SRBD1: variants seen among roughly 807,000 people sequenced by gnomAD.
The protein encoded by SRBD1 is S1 RNA-binding domain-containing protein 1.
In SRBD1, 88 loss-of-function variants were observed where a neutral mutation model predicts 115.3. The ratio of observed to expected loss-of-function variants is 0.76; its 90% CI spans 0.64 to 0.91. The LOEUF (loss-of-function observed/expected upper bound fraction) is 0.91, where lower values mean the gene tolerates loss of function less well. SRBD1 is among the 40% of genes least tolerant of loss of function. SRBD1 has a pLI of 0.00. For missense variants in SRBD1, 1,385 were observed against 1,177.4 expected (o/e 1.18, Z -2.58); for synonymous variants, 509 against 407.7 (o/e 1.25, Z -2.99).
At chr2:45,415,665 A>AC (rs1667799861) in intron 18 of SRBD1, among the ~76,000 whole-genome samples, 1 of 36,106 alleles carries the variant, frequency 2.8e-5, no homozygotes, top group African/African-American at 8.5e-5. Context: ...AGGGGAGGGG[A>AC]GGGGAGGGGA....
At chr2:45,438,298 A>G (rs1668561845) in intron 16 of SRBD1, among the ~76,000 whole-genome samples, 1 of 152,242 alleles carries the variant, frequency 6.6e-6, no homozygotes, top group Non-Finnish European at 1.5e-5. Context: ...CAAAATTTGT[A>G]TTTTCAACAA....
chr2:45,550,409 C>G (rs1231997893), intron 12 of SRBD1, among the ~76,000 whole-genome samples: 1 of 149,836 alleles, frequency 6.7e-6, no homozygotes, highest in Admixed American at 6.7e-5. Context: ...TCTTAGCAGC[C>G]AGAGGAAAAG....
chr2:45,447,435 A>T (rs923588397), intron 16 of SRBD1: 1 of 132,438 alleles, frequency 7.6e-6, no homozygotes, highest in Non-Finnish European at 1.6e-5. Flanking sequence ...CGACAGAGCG[A>T]GGCTCTATCT....
chr2:45,599,044 T>G (rs1030683789), intron 4 of SRBD1, among the ~76,000 whole-genome samples: 1 of 152,220 alleles, frequency 6.6e-6, no homozygotes, highest in African/African-American at 2.4e-5. Context: ...TGTAGTACAT[T>G]ACAACATTAT....
At chr2:45,511,707 C>T (rs1168471610) in intron 14 of SRBD1, among the ~76,000 whole-genome samples, 1 of 152,178 alleles carries the variant, frequency 6.6e-6, no homozygotes, top group Non-Finnish European at 1.5e-5. Flanking sequence ...ATTCCTTCTG[C>T]ACTTTTCATA....
At chr2:45,480,698 C>G (rs1007139338) in intron 15 of SRBD1, among the ~76,000 whole-genome samples, 4 of 152,160 alleles carry the variant, frequency 2.6e-5, no homozygotes, top group Non-Finnish European at 5.9e-5. Context: ...ATTACATAAA[C>G]TTCATTGATA....
At chr2:45,602,940 C>T (rs1674145706) in intron 2 of SRBD1, among the ~76,000 whole-genome samples, 2 of 152,138 alleles carry the variant, frequency 1.3e-5, no homozygotes, top group South Asian at 2.1e-4. Flanking sequence ...GGTCAAACTA[C>T]TGGTGTTCTC....
intron 14 of SRBD1, among the ~76,000 whole-genome samples, chr2:45,490,980 T>C (rs1670274505): frequency 6.6e-6 from 1 of 152,126 alleles, no homozygotes; most frequent in African/African-American, 2.4e-5. Context: ...ATAACCTAAA[T>C]GCACAGAAAA....
intron 16 of SRBD1, among the ~76,000 whole-genome samples, chr2:45,445,283 A>C (rs1668786870): frequency 6.6e-6 from 1 of 152,122 alleles, no homozygotes; most frequent in African/African-American, 2.4e-5. Flanking sequence ...ATTGATGCAG[A>C]TCTGTCACTT....
At chr2:45,404,086 A>C (rs1171674667) in intron 19 of SRBD1, among the ~76,000 whole-genome samples, 1 of 152,184 alleles carries the variant, frequency 6.6e-6, no homozygotes, top group East Asian at 1.9e-4. Context: ...AAATGCCCTT[A>C]GTGAAGCATA....
Position 45,599,749 on chromosome 2 carries a change from T to C in SRBD1, c.348A>G (p.Thr116=), listed in dbSNP as rs1204258095. 3 of 1,614,108 alleles carry C rather than the reference T, an allele frequency of 1.9e-6. No individual in the cohort carries two copies. Among genetic ancestry groups the C allele is most frequent in the South Asian group, 1.1e-5 (1 of 91,094 alleles). ...GTGGCTGCGCTGCACATTTCTGTTT[T>C]GTCTTGGCTGTTTTCAGAGTCTGTA... is the stretch of plus-strand genomic sequence containing the variant. The part of the protein sequence containing the change: ...DTVQTLKTAK[T]KQKCAAQPHT... Residue 116 remains threonine, a synonymous_variant, in exon 4 of 21, where the codon ACA becomes ACG. Coordinates refer to ENST00000263736, the MANE Select transcript of SRBD1 (RefSeq NM_018079.5).
chr2:45,405,340 T>C lies in SRBD1; in HGVS notation c.2513+7774A>G, dbSNP rs11677085. On this transcript the variant is annotated intron_variant, in intron 19 of 20. Coordinates refer to ENST00000263736, the MANE Select transcript of SRBD1 (RefSeq NM_018079.5). ...GAGCCTTTTTTGTTTGTCTTGTTTT[T>C]GTGTGGGGCTAGTGAGGACTGATGA... is the stretch of plus-strand genomic sequence containing the variant. 4.2e-3 allele frequency among the ~76,000 whole-genome samples: 639 copies of C among 152,280 alleles called. 2 individuals carry two copies. The highest frequency in any genetic ancestry group is 6.1e-3 in the Non-Finnish European group (415 of 68,028).
At chr2:45,595,021 C>T (rs879711879) in intron 4 of SRBD1, among the ~76,000 whole-genome samples, 3 of 152,192 alleles carry the variant, frequency 2.0e-5, no homozygotes, top group African/African-American at 7.2e-5. Context: ...TTTCATTAGT[C>T]CTATCTATAA....
intron 4 of SRBD1, among the ~76,000 whole-genome samples, chr2:45,594,116 A>G (rs116715984): frequency 7.3e-4 from 111 of 152,358 alleles, no homozygotes; most frequent in African/African-American, 2.6e-3. Context: ...CTGGACAAAT[A>G]GGTTAAACCT....
At chr2:45,442,651 C>G (rs1201840196) in intron 16 of SRBD1, among the ~76,000 whole-genome samples, 2 of 152,208 alleles carry the variant, frequency 1.3e-5, no homozygotes, top group African/African-American at 2.4e-5. Context: ...AAGATCAGGA[C>G]TCAGATAATT....
rs181220612 is a variant in SRBD1 at position 45,609,099 on chromosome 2, G to A, written c.-1+2120C>T. ...TGGGATTACAAGTGTGAGCCATGGC[G>A]CCTGGCCAGAAAATTCTTTAACAGC... On this transcript the variant is annotated intron_variant, in intron 1 of 20. Transcript: ENST00000263736. Among the ~76,000 whole-genome samples, 43 of 152,182 alleles carry A rather than the reference G, an allele frequency of 2.8e-4. 1 individual carries two copies. The highest frequency in any genetic ancestry group is 1.5e-3 in the South Asian group (7 of 4,818).
chr2:45,545,216 C>A (rs1483063485), intron 14 of SRBD1, among the ~76,000 whole-genome samples: 1 of 139,318 alleles, frequency 7.2e-6, no homozygotes, highest in Non-Finnish European at 1.5e-5. Context: ...GGACACAGAG[C>A]TTGCAGTGAG....
chr2:45,562,589 T>C (rs533972909), intron 10 of SRBD1, 64 bp downstream of exon 10: 17 of 1,278,290 alleles, frequency 1.3e-5, no homozygotes, highest in Admixed American at 4.5e-5. Context: ...TCAGTACATA[T>C]AGATATCGGT....
chr2:45,496,864 C>G lies in SRBD1; in HGVS notation c.1875-8533G>C, dbSNP rs116891062. 1.0e-3 allele frequency among the ~76,000 whole-genome samples: 154 copies of G among 152,280 alleles called. 3 individuals are homozygous for G. The East Asian group carries it at 0.023, about 22-fold the overall frequency. The stretch of plus-strand genomic sequence containing the variant: ...CCAGTTTGGATCTTGAAGATCTATT[C>G]TGGAGCAGCCTCAACCTTCAAAATT... On this transcript the variant is annotated intron_variant, in intron 14 of 20. Transcript: ENST00000263736.
Sources: allele counts gnomAD v4.1 joint callset (sites outside exome capture counted in the v4.1 genomes callset), GRCh38; gene constraint gnomAD v4.1.1; transcripts MANE v1.5; gene names NCBI Gene and HGNC (gene_info 2026-07-23, HGNC 2026-07-21).